Variants in SIPA1L2 observed in about 807,000 individuals in gnomAD.
SIPA1L2 encodes the protein signal induced proliferation associated 1 like 2, also known as signal-induced proliferation-associated 1-like protein 2.
Under a neutral mutation model 163.9 loss-of-function variants are expected in SIPA1L2, and 56 were observed. That is an observed-to-expected ratio of 0.34 (90% CI 0.28 to 0.43). The LOEUF (loss-of-function observed/expected upper bound fraction) is 0.43. Ranked by LOEUF, SIPA1L2 falls within the 20% of genes least tolerant of loss-of-function variation. The pLI is 1.00. For missense variants in SIPA1L2, 1,974 were observed against 2,193.5 expected (o/e 0.90, Z 2.00); for synonymous variants, 877 against 865.7 (o/e 1.01, Z -0.23).
At chr1:232,590,094 G>C (rs1417519750) in intron 1 of SIPA1L2, among the ~76,000 whole-genome samples, 1 of 152,090 alleles carries the variant, frequency 6.6e-6, no homozygotes, top group Non-Finnish European at 1.5e-5. Flanking sequence ...CGCAATCCGG[G>C]AATTCCATCT....
intron 1 of SIPA1L2, among the ~76,000 whole-genome samples, chr1:232,622,798 C>T (rs1159613251): frequency 1.3e-5 from 2 of 152,204 alleles, no homozygotes; most frequent in Non-Finnish European, 2.9e-5. Context: ...GAGGTATAAA[C>T]TGTTGTTCAA....
intron 1 of SIPA1L2, among the ~76,000 whole-genome samples, chr1:232,609,901 AAAT>A (rs1662156633): frequency 6.6e-6 from 1 of 152,104 alleles, no homozygotes; most frequent in South Asian, 2.1e-4. Context: ...TAAAATCTTA[AAAT>A]AATGATATGC....
At chr1:232,559,992 T>C (rs1658940542) in intron 2 of SIPA1L2, among the ~76,000 whole-genome samples, 1 of 152,208 alleles carries the variant, frequency 6.6e-6, no homozygotes, top group Non-Finnish European at 1.5e-5. Flanking sequence ...TTCCTTCCTG[T>C]CGGTTCCCCT....
At chr1:232,461,288 T>C in intron 9 of SIPA1L2, 127 bp from the exon 10 acceptor site, 5 of 1,188,248 alleles carry the variant, frequency 4.2e-6, no homozygotes, top group Non-Finnish European at 6.0e-6. Context: ...AGCCTGTCTC[T>C]CTCTGCCTTT....
At chr1:232,455,770 ATAAAAAG>A (rs1663875885) in intron 10 of SIPA1L2, among the ~76,000 whole-genome samples, 1 of 152,002 alleles carries the variant, frequency 6.6e-6, no homozygotes, top group Non-Finnish European at 1.5e-5. Flanking sequence ...CTATACAGCC[ATAAAAAG>A]AACGAAACCA....
At chr1:232,616,739 C>G (rs1360867863) in intron 1 of SIPA1L2, among the ~76,000 whole-genome samples, 1 of 152,222 alleles carries the variant, frequency 6.6e-6, no homozygotes, top group Non-Finnish European at 1.5e-5. Flanking sequence ...AAAAGTCTTC[C>G]CACCTTGATG....
chr1:232,573,079 C>G (rs1430231051), intron 2 of SIPA1L2, among the ~76,000 whole-genome samples: 2 of 151,934 alleles, frequency 1.3e-5, no homozygotes, highest in Admixed American at 1.3e-4. Context: ...CTGTGCCCGG[C>G]CCCCCAAATC....
At chr1:232,429,846 C>A (rs537573790) in intron 16 of SIPA1L2, among the ~76,000 whole-genome samples, 40 of 152,244 alleles carry the variant, frequency 2.6e-4, no homozygotes, top group African/African-American at 9.6e-4. Context: ...GAGCTCCAGG[C>A]CGTATGTGTT....
chr1:232,456,550 G>A (rs1248013590), intron 10 of SIPA1L2, among the ~76,000 whole-genome samples: 1 of 151,988 alleles, frequency 6.6e-6, no homozygotes, highest in African/African-American at 2.4e-5. Context: ...ATTTTTATTG[G>A]ACATATTTAC....
At chr1:232,611,512 G>C (rs530021480) in intron 1 of SIPA1L2, among the ~76,000 whole-genome samples, 1 of 152,272 alleles carries the variant, frequency 6.6e-6, no homozygotes, top group African/African-American at 2.4e-5. Context: ...AGGCTGAAGC[G>C]ATCTCAAAGG....
chr1:232,444,622 T>A (rs1663099652), intron 11 of SIPA1L2, among the ~76,000 whole-genome samples: 1 of 152,104 alleles, frequency 6.6e-6, no homozygotes, highest in African/African-American at 2.4e-5. Flanking sequence ...TTCTGGTTAA[T>A]ATTTATATAA....
intron 17 of SIPA1L2, 95 bp downstream of exon 17, chr1:232,428,316 G>T: frequency 9.1e-7 from 1 of 1,101,630 alleles, no homozygotes; most frequent in Non-Finnish European, 1.2e-6. Flanking sequence ...TGAAGCATGT[G>T]GGAGTACTCT....
chr1:232,524,149 C>T (rs1053675498), intron 2 of SIPA1L2, among the ~76,000 whole-genome samples: 6 of 152,180 alleles, frequency 3.9e-5, no homozygotes, highest in African/African-American at 1.4e-4. Flanking sequence ...AGTAAATCAA[C>T]GTATTCAGTT....
intron 17 of SIPA1L2, among the ~76,000 whole-genome samples, chr1:232,426,306 C>A (rs1661894074): frequency 6.6e-6 from 1 of 152,022 alleles, no homozygotes; most frequent in Non-Finnish European, 1.5e-5. Context: ...GCTTTGCCGG[C>A]CACATAAACA....
At chr1:232,404,201 C>T (rs1252725320) in intron 19 of SIPA1L2, 23 bp from the exon 20 acceptor site, 2 of 1,612,272 alleles carry the variant, frequency 1.2e-6, no homozygotes, top group Admixed American at 3.3e-5. Flanking sequence ...TTAGAATTTT[C>T]CTATGAACAG....
chr1:232,469,401 T>C (rs1444200120), intron 8 of SIPA1L2, among the ~76,000 whole-genome samples: 2 of 152,182 alleles, frequency 1.3e-5, no homozygotes, highest in East Asian at 3.8e-4. Flanking sequence ...TTAGAAAATG[T>C]GGGCATGCCA....
At chr1:232,625,849 C>T (rs1663045505) in intron 1 of SIPA1L2, among the ~76,000 whole-genome samples, 1 of 152,118 alleles carries the variant, frequency 6.6e-6, no homozygotes, top group Non-Finnish European at 1.5e-5. Context: ...CAGGTATTAC[C>T]GGAAGACCAC....
intron 10 of SIPA1L2, among the ~76,000 whole-genome samples, chr1:232,460,210 G>A (rs1240071961): frequency 6.6e-6 from 1 of 152,116 alleles, no homozygotes; most frequent in African/African-American, 2.4e-5. Context: ...TTTATGTTGG[G>A]CATGATTATT....
intron 9 of SIPA1L2, among the ~76,000 whole-genome samples, chr1:232,463,487 T>C (rs1664344541): frequency 6.6e-6 from 1 of 152,220 alleles, no homozygotes; most frequent in African/African-American, 2.4e-5. Context: ...ATTCCTAAAA[T>C]ATATTTGTAA....
Sources: gnomAD v4.1 joint callset for allele counts (sites outside exome capture counted in the v4.1 genomes callset) on GRCh38, gnomAD v4.1.1 for gene constraint, MANE v1.5 for transcripts, NCBI Gene and HGNC (gene_info 2026-07-23, HGNC 2026-07-21) for gene names.